Variants in CCDC88A observed in about 807,000 individuals in gnomAD.
CCDC88A encodes girdin.
Under a neutral mutation model 234.3 loss-of-function variants are expected in CCDC88A, and 54 were observed. That is an observed-to-expected ratio of 0.23 (90% confidence interval 0.19 to 0.29). The LOEUF is 0.29. CCDC88A is among the 10% of genes least tolerant of loss of function. The pLI is 1.00. For synonymous variants in CCDC88A, 753 were observed against 737.8 expected (o/e 1.02, Z -0.33); for missense variants, 1,832 against 2,123.4 (o/e 0.86, Z 2.70).
intron 23 of CCDC88A, among the ~76,000 whole-genome samples, chr2:55,311,421 T>A (rs1007485232): frequency 1.3e-5 from 2 of 152,234 alleles, no homozygotes; most frequent in African/African-American, 4.8e-5. Flanking sequence ...GAAAAATGTA[T>A]GATGTATCCT....
At chr2:55,346,939 ATCTG>A (rs1669196938) in intron 9 of CCDC88A, among the ~76,000 whole-genome samples, 1 of 152,074 alleles carries the variant, frequency 6.6e-6, no homozygotes, top group Non-Finnish European at 1.5e-5. Context: ...ATATCATGCT[ATCTG>A]TCAGGAATGT....
intron 8 of CCDC88A, among the ~76,000 whole-genome samples, chr2:55,355,166 C>G (rs3975804): frequency 6.6e-6 from 1 of 151,716 alleles, no homozygotes; most frequent in African/African-American, 2.4e-5. Flanking sequence ...TAGTATAATG[C>G]GAAGAACTCA....
chr2:55,343,893 G>T, intron 11 of CCDC88A, 101 bp from the exon 12 acceptor site: 1 of 985,018 alleles, frequency 1.0e-6, no homozygotes, highest in Non-Finnish European at 1.4e-6. Flanking sequence ...CAGAAACTCA[G>T]TAATAATTAT....
intron 2 of CCDC88A, among the ~76,000 whole-genome samples, chr2:55,402,878 G>A (rs1215195336): frequency 6.6e-6 from 1 of 151,844 alleles, no homozygotes; most frequent in Non-Finnish European, 1.5e-5. Flanking sequence ...GCGTGGTGGT[G>A]GGCACCTGTA....
chr2:55,326,133 T>C (rs1366005561), intron 17 of CCDC88A, among the ~76,000 whole-genome samples: 1 of 152,040 alleles, frequency 6.6e-6, no homozygotes, highest in Non-Finnish European at 1.5e-5. Flanking sequence ...CTATTTGTTT[T>C]CTATTTGTCC....
chr2:55,393,180 T>G (rs1394307211), intron 2 of CCDC88A, among the ~76,000 whole-genome samples: 1 of 151,906 alleles, frequency 6.6e-6, no homozygotes, highest in East Asian at 1.9e-4. Flanking sequence ...TTTTCTTACT[T>G]GGGTAAGAAA....
In CCDC88A at chr2:55,317,136, T is replaced by C. The variant is rs1574077690; in HGVS notation, c.3746+70A>G. The C allele has an allele frequency of 6.8e-6, 4 of 591,502 alleles. No individual in the cohort carries two copies. The East Asian group carries it at 1.6e-4, about 24-fold the overall frequency. The allele number at this position is 591,502 out of a possible 1,614,324, so 36.6% of individuals were successfully genotyped here. A position where few individuals can be genotyped will look rare whatever the true frequency, so the allele number is the denominator to read the frequency against. ...AATAATACATAATTTTGAAAAAACA[T>C]ATATATACACATATATATGTATATA... On this transcript the variant is annotated intron_variant, in intron 21 of 32. Coordinates refer to ENST00000436346, the MANE Select transcript of CCDC88A (RefSeq NM_001365480.1). The surrounding 1 kb of genome is among the most constrained non-coding windows in gnomAD (Gnocchi z 4.2).
Position 55,317,369 on chromosome 2 carries a change from T to C in CCDC88A, c.3603-20A>G. ...TTGTAACTGGGGGGAAAAAAGGCAT[T>C]TGGTTTATAATATTTACAAAAAAGA... On this transcript the variant is annotated intron_variant, in intron 20 of 32. Transcript: ENST00000436346. The surrounding 1 kb of genome is among the most constrained non-coding windows in gnomAD (Gnocchi z 4.2). 1 of 1,452,766 alleles carries C rather than the reference T, an allele frequency of 6.9e-7. No individual in the cohort carries two copies. Among genetic ancestry groups the C allele is most frequent in the Non-Finnish European group, 9.1e-7 (1 of 1,095,892 alleles). 90.0% of individuals were successfully genotyped at this position (1,452,766 alleles called of 1,614,324 possible).
chr2:55,294,294 G>A (rs1465552462), intron 31 of CCDC88A: 1 of 978,192 alleles, frequency 1.0e-6, no homozygotes, highest in African/African-American at 1.8e-5. Context: ...TTGAGCTCTT[G>A]TATTTATCAG....
rs1386541620 is a variant in CCDC88A, at chr2:55,317,524, T to C, written c.3602+40A>G. The C allele has an allele frequency of 7.1e-7, 1 of 1,408,108 alleles. No homozygotes were observed. The highest frequency in any genetic ancestry group is 2.4e-5 in the Admixed American group (1 of 41,680). The allele number at this position is 1,408,108 out of a possible 1,614,324, so 87.2% of individuals were successfully genotyped here. A position where few individuals can be genotyped will look rare whatever the true frequency, so the allele number is the denominator to read the frequency against. On this transcript the variant is annotated intron_variant, in intron 20 of 32. Coordinates refer to ENST00000436346, the MANE Select transcript of CCDC88A (RefSeq NM_001365480.1). The surrounding 1 kb of genome is among the most constrained non-coding windows in gnomAD (Gnocchi z 4.2). Reference sequence around the variant, plus strand: ...ATTTATTATACTACTTGAAGAAAATTCATTTTAAATTCACAGTACAACAAA... The same window carrying C: ...ATTTATTATACTACTTGAAGAAAATCCATTTTAAATTCACAGTACAACAAA...
At chr2:55,374,176 C>A (rs564967560) in intron 4 of CCDC88A, among the ~76,000 whole-genome samples, 1 of 152,276 alleles carries the variant, frequency 6.6e-6, no homozygotes, top group Admixed American at 6.5e-5. Context: ...GAGTTCGAGA[C>A]TGGCCTGGCC....
intron 2 of CCDC88A, among the ~76,000 whole-genome samples, chr2:55,412,123 A>G (rs2123983): frequency 0.87 from 132,001 of 152,214 alleles, 57,588 homozygotes; most frequent in Admixed American, 0.93. Flanking sequence ...ATTTACTTAC[A>G]ACTTACGACA....
chr2:55,359,281 T>G (rs892469547), intron 7 of CCDC88A, among the ~76,000 whole-genome samples: 1 of 152,080 alleles, frequency 6.6e-6, no homozygotes, highest in African/African-American at 2.4e-5. Flanking sequence ...AGACAGATAC[T>G]ACATTTGAAC....
In CCDC88A at chr2:55,293,911, TCTTA is replaced by T. The variant is rs1033664327; in HGVS notation, c.5551+1682_5551+1685del. The T allele has an allele frequency of 1.2e-4, 18 of 149,608 alleles. 1 individual carries two copies. The highest frequency in any genetic ancestry group is 4.6e-4 in the African/African-American group (18 of 39,390). The allele number at this position is 149,608 out of a possible 1,614,324, so 9.3% of individuals were successfully genotyped here. On this transcript the variant is annotated intron_variant, in intron 31 of 32. Transcript: ENST00000436346. ...CTGGAGTCAAAGTTAACAAATATTT[TCTTA>T]CTTTTTTTTTTTTTTTTAAGCTAAA...
intron 22 of CCDC88A, among the ~76,000 whole-genome samples, chr2:55,314,841 C>A (rs566281233): frequency 2.0e-5 from 3 of 152,316 alleles, no homozygotes; most frequent in South Asian, 2.1e-4. Context: ...CAACCACTAT[C>A]CCTTCCCACC....
At chr2:55,390,077 G>A (rs1676393695) in intron 2 of CCDC88A, among the ~76,000 whole-genome samples, 1 of 119,658 alleles carries the variant, frequency 8.4e-6, no homozygotes, top group African/African-American at 3.0e-5. Flanking sequence ...ACATTTCAAA[G>A]TTATTTATGT....
At chr2:55,396,802 TGA>T (rs1317328642) in intron 2 of CCDC88A, among the ~76,000 whole-genome samples, 1 of 136,884 alleles carries the variant, frequency 7.3e-6, no homozygotes, top group African/African-American at 2.8e-5. Flanking sequence ...CCCGGGAGGC[TGA>T]GTTTGCAGTG....
chr2:55,357,082 C>T (rs1315925777), intron 7 of CCDC88A, among the ~76,000 whole-genome samples: 6 of 152,240 alleles, frequency 3.9e-5, no homozygotes, highest in South Asian at 2.1e-4. Context: ...TTATGAACAA[C>T]GGTTCTTGGA....
In CCDC88A at chr2:55,355,594, C is replaced by T. The variant is rs1195643750; in HGVS notation, c.785G>A (p.Arg262Lys). 6.2e-7 allele frequency: 1 copy of T among 1,614,044 alleles called. No homozygotes were observed. The highest frequency in any genetic ancestry group is 8.5e-7 in the Non-Finnish European group (1 of 1,179,930). ...AGCAACTTACAATTCCTGCCTAAGC[C>T]TTCTTATCTTGGCTTTAGCATCTGC... is the stretch of plus-strand genomic sequence containing the variant. ...ELADAKAKIR[R>K]LRQELEEKTE... is the part of the protein sequence containing the mutation. Residue 262 changes from arginine (R) to lysine (K), a missense_variant, in exon 8 of 33, where the codon AGG (arginine) becomes AAG (lysine). Physicochemically the swap from Arg to Lys is conservative, Grantham distance 26 (BLOSUM62 2). Coordinates refer to ENST00000436346, the MANE Select transcript of CCDC88A (RefSeq NM_001365480.1).
Sources: gnomAD v4.1 joint callset for allele counts (sites outside exome capture counted in the v4.1 genomes callset) on GRCh38, gnomAD v4.1.1 for gene constraint, Gnocchi (gnomAD v3.1) non-coding constraint, MANE v1.5 for transcripts, NCBI Gene and HGNC (gene_info 2026-07-23, HGNC 2026-07-21) for gene names.